AOPEP: variants seen among roughly 807,000 people sequenced by gnomAD.
AOPEP encodes the protein aminopeptidase O.
A neutral mutation model predicts 98.1 loss-of-function variants in AOPEP; 77 were observed. That is an observed-to-expected ratio of 0.78 (90% CI 0.65 to 0.95). The LOEUF (loss-of-function observed/expected upper bound fraction) is 0.95, where lower values mean the gene tolerates loss of function less well. Among genes scored for constraint, AOPEP ranks in the 40% least tolerant of loss-of-function variants. The pLI is 0.00. For missense variants in AOPEP, 1,024 were observed against 1,024.7 expected (o/e 1.00, Z 0.01); for synonymous variants, 346 against 365.3 (o/e 0.95, Z 0.60).
chr9:94,988,658 C>T (rs553571347), intron 11 of AOPEP, among the ~76,000 whole-genome samples: 5 of 152,212 alleles, frequency 3.3e-5, no homozygotes, highest in South Asian at 2.1e-4. Context: ...GGCCCATGTA[C>T]GTGTGGGTTT....
intron 13 of AOPEP, among the ~76,000 whole-genome samples, chr9:95,057,182 T>G (rs952673478): frequency 6.6e-6 from 1 of 152,216 alleles, no homozygotes; most frequent in Non-Finnish European, 1.5e-5. Flanking sequence ...GGTCCTTTAT[T>G]TTTCACGATC....
chr9:95,117,175 C>G, the AOPEP span: 1 of 772,164 alleles, frequency 1.3e-6, no homozygotes. Context: ...ATGTGGGATC[C>G]TGGGGGCTTA....
intron 1 of AOPEP, among the ~76,000 whole-genome samples, chr9:94,744,498 C>T (rs975230636): frequency 7.9e-5 from 12 of 151,656 alleles, no homozygotes; most frequent in African/African-American, 2.2e-4. Flanking sequence ...GTTGGGAGTT[C>T]GAGACCAGCC....
intron 5 of AOPEP, among the ~76,000 whole-genome samples, chr9:94,899,320 G>A (rs2050072026): frequency 6.7e-6 from 1 of 149,358 alleles, no homozygotes; most frequent in Non-Finnish European, 1.5e-5. Flanking sequence ...GAGTAGCTGG[G>A]ACTATAGGCG....
chr9:94,949,419 G>C (rs1226833922), intron 7 of AOPEP, among the ~76,000 whole-genome samples: 1 of 152,144 alleles, frequency 6.6e-6, no homozygotes, highest in African/African-American at 2.4e-5. Context: ...ACCCACCACT[G>C]GGTCCTTTCA....
chr9:95,118,153 G>T, the AOPEP span, among the ~76,000 whole-genome samples: 1 of 152,096 alleles, frequency 6.6e-6, no homozygotes, highest in Non-Finnish European at 1.5e-5. Context: ...TGAGTAGCCG[G>T]GATTACAGGC....
chr9:94,887,007 T>C (rs553815523), intron 5 of AOPEP, among the ~76,000 whole-genome samples: 15 of 152,282 alleles, frequency 9.9e-5, no homozygotes, highest in African/African-American at 2.6e-4. Context: ...TTTAAATTAT[T>C]AGTCTCTGTT....
the AOPEP span, among the ~76,000 whole-genome samples, chr9:95,138,728 C>A: frequency 6.6e-6 from 1 of 152,218 alleles, no homozygotes; most frequent in Non-Finnish European, 1.5e-5. Context: ...GGTGGGGAAG[C>A]TGCTGCAGCA....
At chr9:94,767,204 A>G (rs1335218393) in intron 2 of AOPEP, among the ~76,000 whole-genome samples, 2 of 152,226 alleles carry the variant, frequency 1.3e-5, no homozygotes, top group African/African-American at 2.4e-5. Flanking sequence ...CATTAATTCT[A>G]TGATATTGTA....
At chr9:94,861,344 G>T (rs1027023179) in intron 5 of AOPEP, among the ~76,000 whole-genome samples, 1 of 152,186 alleles carries the variant, frequency 6.6e-6, no homozygotes, top group Non-Finnish European at 1.5e-5. Context: ...TGATGTGGGG[G>T]CATATGGAGA....
chr9:94,860,787 G>A (rs931478644), intron 5 of AOPEP, among the ~76,000 whole-genome samples: 3 of 152,162 alleles, frequency 2.0e-5, no homozygotes, highest in Non-Finnish European at 4.4e-5. Flanking sequence ...CTCTGTACAT[G>A]TCAGGTTTAA....
chr9:95,099,412 G>A, the AOPEP span: 9 of 226,702 alleles, frequency 4.0e-5, no homozygotes, highest in Admixed American at 1.2e-4. Context: ...CGCCAACGCC[G>A]TCAAGGCCCC....
At chr9:94,968,027 G>T (rs936974846) in intron 10 of AOPEP, among the ~76,000 whole-genome samples, 1 of 152,254 alleles carries the variant, frequency 6.6e-6, no homozygotes, top group Admixed American at 6.5e-5. Context: ...CCAAAGTCAG[G>T]AGCCCCAAAA....
At chr9:94,728,239 G>GCGCGCGCGCGCGCACA (rs113657409) in intron 1 of AOPEP, among the ~76,000 whole-genome samples, 28 of 146,606 alleles carry the variant, frequency 1.9e-4, no homozygotes, top group African/African-American at 5.3e-4. Flanking sequence ...GTGCGCGCAT[G>GCGCGCGCGCGCGCACA]CACACACACA....
chr9:94,811,639 G>A (rs1457670820), intron 5 of AOPEP, among the ~76,000 whole-genome samples: 2 of 152,172 alleles, frequency 1.3e-5, no homozygotes, highest in African/African-American at 4.8e-5. Context: ...TCAGCAGGGT[G>A]CACTGCCTGG....
At chr9:94,762,342 G>A (rs543283917) in intron 2 of AOPEP, among the ~76,000 whole-genome samples, 1 of 152,230 alleles carries the variant, frequency 6.6e-6, no homozygotes, top group Admixed American at 6.5e-5. Context: ...AGCCATTCGG[G>A]AGGCTGAGGC....
chr9:94,962,306 C>G (rs1412402919), intron 9 of AOPEP, among the ~76,000 whole-genome samples: 3 of 152,202 alleles, frequency 2.0e-5, no homozygotes, highest in African/African-American at 7.2e-5. Context: ...GCAAACACTT[C>G]CAGCCCCTCC....
intron 1 of AOPEP, among the ~76,000 whole-genome samples, chr9:94,743,236 G>T (rs933274487): frequency 4.1e-5 from 6 of 146,636 alleles, no homozygotes; most frequent in Non-Finnish European, 7.4e-5. Flanking sequence ...AGAAGAGGAA[G>T]AAGAAGAGGA....
At chr9:94,791,527 T>G (rs910330868) in intron 3 of AOPEP, among the ~76,000 whole-genome samples, 1 of 150,534 alleles carries the variant, frequency 6.6e-6, no homozygotes, top group Non-Finnish European at 1.5e-5. Flanking sequence ...ATGTAAGCTG[T>G]GTGTGGTGGC....
Sources: allele counts gnomAD v4.1 joint callset (sites outside exome capture counted in the v4.1 genomes callset), GRCh38; gene constraint gnomAD v4.1.1; transcripts MANE v1.5; gene names NCBI Gene and HGNC (gene_info 2026-07-23, HGNC 2026-07-21).